The following SLIT1 variants were observed in gnomAD, a reference collection of about 807,000 sequenced individuals.
SLIT1 encodes the protein slit homolog 1 protein.
In SLIT1, 66 loss-of-function variants were observed where a neutral mutation model predicts 186.1. The observed-to-expected ratio is 0.35, with a 90% CI of 0.29 to 0.44. The LOEUF is 0.44. Ranked by LOEUF, SLIT1 falls within the 20% of genes least tolerant of loss-of-function variation. SLIT1 has a pLI of 1.00. For synonymous variants in SLIT1, 761 were observed against 833.8 expected, an observed-to-expected ratio of 0.91 and a Z score of 1.50; for missense variants, 1,638 against 2,037.4, an observed-to-expected ratio of 0.80 and a Z score of 3.77.
rs115981920 is a variant in SLIT1, at chr10:97,055,234, C to A, written c.1301+1087G>T. Among the ~76,000 whole-genome samples the A allele has an allele frequency of 7.8e-3, 1,185 of 152,056 alleles. 11 individuals carry two copies. The highest frequency in any genetic ancestry group is 0.026 in the African/African-American group (1,062 of 41,474). ...TCCAGCTCAAAAAACAAAAAACAAT[C>A]AAAAAAATTGCATAACATGTAAGAG... On this transcript the variant is annotated intron_variant, in intron 13 of 36. Transcript: ENST00000266058.
chr10:97,156,146 A>G (rs780131751), intron 4 of SLIT1, among the ~76,000 whole-genome samples: 9 of 152,234 alleles, frequency 5.9e-5, no homozygotes, highest in Non-Finnish European at 8.8e-5. Flanking sequence ...ACTCAAGCCC[A>G]AGGGTGGTGG....
intron 4 of SLIT1, among the ~76,000 whole-genome samples, chr10:97,115,867 A>C (rs1236170828): frequency 6.6e-6 from 1 of 152,180 alleles, no homozygotes; most frequent in African/African-American, 2.4e-5. Context: ...AACAAAGAAA[A>C]CATAGACTCC....
At chr10:97,126,224 A>G (rs1414420362) in intron 4 of SLIT1, among the ~76,000 whole-genome samples, 1 of 152,248 alleles carries the variant, frequency 6.6e-6, no homozygotes, top group East Asian at 1.9e-4. Flanking sequence ...TTGTGTGAAC[A>G]TTTGATGTAG....
At position 97,145,918 on chromosome 10, in the gene SLIT1, C is replaced by G. The variant is rs761608665; in HGVS notation, c.413+11900G>C. On this transcript the variant is annotated intron_variant, in intron 4 of 36. Transcript: ENST00000266058. ...CAGGAACAGGCCCAAACGCACAAGA[C>G]AGTAATTCCCGGCCATGTCACCAAA... 1.9e-4 allele frequency among the ~76,000 whole-genome samples: 29 copies of G among 152,206 alleles called. 1 individual carries two copies. Among genetic ancestry groups the G allele is most frequent in the Non-Finnish European group, 3.8e-4 (26 of 68,040 alleles).
At chr10:97,160,664 G>A (rs1024716140) in intron 3 of SLIT1, among the ~76,000 whole-genome samples, 9 of 152,218 alleles carry the variant, frequency 5.9e-5, no homozygotes, top group Admixed American at 4.6e-4. Context: ...ACATTTATAT[G>A]TTTTAACATA....
At chr10:97,075,934 A>C (rs1849041451) in intron 4 of SLIT1, among the ~76,000 whole-genome samples, 1 of 152,268 alleles carries the variant, frequency 6.6e-6, no homozygotes, top group East Asian at 1.9e-4. Flanking sequence ...GCCAACTCCT[A>C]TTCTTTGGGG....
intron 10 of SLIT1, 119 bp downstream of exon 10, chr10:97,059,968 C>T: frequency 1.2e-6 from 1 of 866,378 alleles, no homozygotes; most frequent in Non-Finnish European, 2.0e-6. Context: ...GGTCAGGTGG[C>T]TGGCCAAGGC....
rs553798706 is a variant in SLIT1 at position 97,047,830 on chromosome 10, C to G, written c.1494G>C (p.Thr498=). 6.2e-7 allele frequency: 1 copy of G among 1,613,758 alleles called. No individual in the cohort carries two copies. The highest frequency in any genetic ancestry group is 8.5e-7 in the Non-Finnish European group (1 of 1,179,874). ...ACTCGCTGTTCAGCTGGTAATCCTC[C>G]GTGCCTGCCATGAGAGGGTGGGGGC... ...SAKEQYFIPG[T]EDYQLNSECN... is the part of the protein sequence containing the mutation. Residue 498 remains threonine, a synonymous_variant, in exon 16 of 37, where the codon ACG becomes ACC. Coordinates refer to ENST00000266058, the MANE Select transcript of SLIT1 (RefSeq NM_003061.3).
Position 97,000,112 on chromosome 10 carries a change from T to C in SLIT1, c.*1000A>G, listed in dbSNP as rs959192254. 2 of 152,228 alleles carry C rather than the reference T, an allele frequency of 1.3e-5. No homozygotes were observed. The highest frequency in any genetic ancestry group is 1.9e-4 in the East Asian group (1 of 5,186). The allele number at this position is 152,228 out of a possible 1,614,324, so 9.4% of individuals were successfully genotyped here. On this transcript the variant is annotated 3_prime_UTR_variant, in exon 37 of 37. Coordinates refer to ENST00000266058, the MANE Select transcript of SLIT1 (RefSeq NM_003061.3). ...GATAGAGCCAGCAGGGACTTCCCAA[T>C]GCCTGGAGCACTGTCCCTTCCACTG...
intron 4 of SLIT1, among the ~76,000 whole-genome samples, chr10:97,106,250 C>T (rs576043768): frequency 3.9e-5 from 6 of 152,156 alleles, no homozygotes; most frequent in Admixed American, 1.3e-4. Flanking sequence ...CAGAGGTTAA[C>T]GTCATTTCTG....
intron 2 of SLIT1, among the ~76,000 whole-genome samples, chr10:97,164,608 C>A (rs1439936374): frequency 6.6e-6 from 1 of 152,156 alleles, no homozygotes; most frequent in Non-Finnish European, 1.5e-5. Flanking sequence ...CCTGCACTAC[C>A]CTGAGAGCAC....
chr10:97,152,576 C>G (rs997307743), intron 4 of SLIT1, among the ~76,000 whole-genome samples: 1 of 152,212 alleles, frequency 6.6e-6, no homozygotes, highest in Non-Finnish European at 1.5e-5. Context: ...CACAGAAGAG[C>G]AAACAGGCTC....
intron 28 of SLIT1, among the ~76,000 whole-genome samples, chr10:97,015,870 A>G (rs1848450734): frequency 6.6e-6 from 1 of 152,252 alleles, no homozygotes; most frequent in Admixed American, 6.5e-5. Context: ...AGTACTCAAG[A>G]AAAGAGTCTA....
chr10:97,004,597 T>C lies in SLIT1; in HGVS notation c.3710+96A>G. ...TTCAAACTCAGGCAGCCCAGGTTTC[T>C]AGAGGTCTCGATAACCACCTGCTTT... On this transcript the variant is annotated intron_variant, in intron 33 of 36. Transcript: ENST00000266058. The surrounding 1 kb of genome is among the most constrained non-coding windows in gnomAD (Gnocchi z 5.1). The C allele has an allele frequency of 6.9e-7, 1 of 1,452,162 alleles. No homozygotes were observed. The allele number at this position is 1,452,162 out of a possible 1,614,324, so 90.0% of individuals were successfully genotyped here. A position where few individuals can be genotyped will look rare whatever the true frequency, so the allele number is the denominator to read the frequency against.
chr10:97,161,921 A>G (rs1235790289), intron 3 of SLIT1, among the ~76,000 whole-genome samples: 1 of 152,224 alleles, frequency 6.6e-6, no homozygotes, highest in Non-Finnish European at 1.5e-5. Flanking sequence ...TCATCTGTGA[A>G]ATACTACTTA....
chr10:97,093,603 A>G (rs1285142283), intron 4 of SLIT1, among the ~76,000 whole-genome samples: 1 of 152,196 alleles, frequency 6.6e-6, no homozygotes, highest in Non-Finnish European at 1.5e-5. Context: ...GTTGGAGCAA[A>G]AGATAGAGGG....
At chr10:97,149,108 G>A (rs1474040827) in intron 4 of SLIT1, among the ~76,000 whole-genome samples, 3 of 152,220 alleles carry the variant, frequency 2.0e-5, no homozygotes, top group East Asian at 1.9e-4. Flanking sequence ...AAAACCCTGT[G>A]TGGTTCTTAG....
At chr10:97,009,458 C>A (rs888499091) in intron 31 of SLIT1, among the ~76,000 whole-genome samples, 3 of 152,158 alleles carry the variant, frequency 2.0e-5, no homozygotes, top group African/African-American at 4.8e-5. Flanking sequence ...AAGTTGGGCC[C>A]TCTACCCATA....
At chr10:97,046,862 C>T (rs1848738634) in intron 17 of SLIT1, 65 bp from the exon 18 acceptor site, 7 of 1,591,466 alleles carry the variant, frequency 4.4e-6, no homozygotes, top group Non-Finnish European at 6.0e-6. Flanking sequence ...CCCCTCCCTT[C>T]CTGCAGGCAA....
Sources: gnomAD v4.1 joint callset for allele counts (sites outside exome capture counted in the v4.1 genomes callset) on GRCh38, gnomAD v4.1.1 for gene constraint, Gnocchi (gnomAD v3.1) non-coding constraint, MANE v1.5 for transcripts, NCBI Gene and HGNC (gene_info 2026-07-23, HGNC 2026-07-21) for gene names.